The following SPARCL1 variants were observed in gnomAD, a reference collection of about 807,000 sequenced individuals.
SPARCL1 encodes the protein SPARC-like protein 1.
In SPARCL1, 52 loss-of-function variants were observed where a neutral mutation model predicts 67.1. That is an observed-to-expected ratio of 0.78 (90% CI 0.62 to 0.98). The LOEUF is 0.98. Among genes scored for constraint, SPARCL1 ranks in the 50% least tolerant of loss-of-function variants. The probability of loss-of-function intolerance (pLI) is 0.00; values close to 1 mark genes in which losing one functional copy is unlikely to be tolerated. For missense variants in SPARCL1, 717 were observed against 782.4 expected, an observed-to-expected ratio of 0.92 and a Z score of 1.00; for synonymous variants, 226 against 267.8, an observed-to-expected ratio of 0.84 and a Z score of 1.52.
rs955337903 is a variant in SPARCL1 at position 87,480,514 on chromosome 4, T to G, written c.1675A>C (p.Lys559Gln). Residue 559 changes from lysine (K) to glutamine (Q), a missense_variant, in exon 9 of 11, where the codon AAA (lysine) becomes CAA (glutamine). Physicochemically the swap from Lys to Gln is moderately conservative, Grantham distance 53 (BLOSUM62 1). Coordinates refer to ENST00000282470, the MANE Select transcript of SPARCL1 (RefSeq NM_004684.6). Reference protein sequence around the residue: ...LNEKQRNKVKKIYLDEKRLLA... With the variant: ...LNEKQRNKVKQIYLDEKRLLA... ...AGCCTCTTTTCATCCAGGTAAATTT[T>G]CTTGACCTGGGATTAGGAAGGCAGA... 4.4e-6 allele frequency: 7 copies of G among 1,607,638 alleles called. No individual in the cohort carries two copies. The highest frequency in any genetic ancestry group is 1.3e-5 in the African/African-American group (1 of 74,552).
At chr4:87,504,181 GTGGT>G (rs1724978595) in intron 1 of SPARCL1, among the ~76,000 whole-genome samples, 1 of 130,834 alleles carries the variant, frequency 7.6e-6, no homozygotes, top group Admixed American at 7.6e-5. Flanking sequence ...GTGTGTGTGT[GTGGT>G]GGGGTGGGGG....
rs1003579308 is a variant in SPARCL1 at position 87,478,728 on chromosome 4, G to A, written c.1966+702C>T. On this transcript the variant is annotated intron_variant, in intron 10 of 10. Coordinates refer to ENST00000282470, the MANE Select transcript of SPARCL1 (RefSeq NM_004684.6). ...GCTGGGATTACAGGCATGAGCCACC[G>A]TGCCCAGCCTTTCATATCTTAATTA... Among the ~76,000 whole-genome samples the A allele has an allele frequency of 1.4e-4, 22 of 152,186 alleles. No homozygotes were observed. In the East Asian group the frequency reaches 4.1e-3, roughly 28 times the overall value.
intron 1 of SPARCL1, among the ~76,000 whole-genome samples, chr4:87,500,359 A>G (rs1205815927): frequency 6.6e-6 from 1 of 152,178 alleles, no homozygotes; most frequent in Non-Finnish European, 1.5e-5. Flanking sequence ...GAAACGAGAC[A>G]AGTGAGGCTC....
At chr4:87,476,548 C>G (rs946783539) in intron 10 of SPARCL1, among the ~76,000 whole-genome samples, 1 of 152,128 alleles carries the variant, frequency 6.6e-6, no homozygotes, top group Non-Finnish European at 1.5e-5. Flanking sequence ...CCCCAGTACT[C>G]TTAGGATAAT....
chr4:87,509,351 TG>T (rs1725252599), intron 1 of SPARCL1, among the ~76,000 whole-genome samples: 6 of 152,190 alleles, frequency 3.9e-5, no homozygotes, highest in Non-Finnish European at 5.9e-5. Context: ...TTAAGTAACT[TG>T]TTCAGGGTTA....
At chr4:87,479,637 C>A in intron 9 of SPARCL1, 59 bp from the exon 10 acceptor site, 1 of 1,543,560 alleles carries the variant, frequency 6.5e-7, no homozygotes, top group Admixed American at 1.7e-5. Context: ...AGATTTAACT[C>A]TCAGGCTCAC....
At chr4:87,522,762 T>A (rs1331088330) in intron 1 of SPARCL1, among the ~76,000 whole-genome samples, 1 of 151,958 alleles carries the variant, frequency 6.6e-6, no homozygotes, top group East Asian at 1.9e-4. Context: ...GTCAGGATCC[T>A]TATATACTCT....
chr4:87,495,286 C>A, intron 2 of SPARCL1, 159 bp from the exon 3 acceptor site: 1 of 547,344 alleles, frequency 1.8e-6, no homozygotes. Context: ...TAAGCAGATG[C>A]CTAGAACAGA....
Position 87,495,117 on chromosome 4 carries a change from C to A in SPARCL1, c.65G>T (p.Arg22Ile). ...TGGTTTGGAATGATCAGATAATAAT[C>A]TTGCATTTGTCTGAAAAAATTAAAA... is the stretch of plus-strand genomic sequence containing the variant. ...GTAAAIPTNA[R>I]LLSDHSKPTA... Residue 22 changes from arginine to isoleucine, a missense_variant, in exon 3 of 11, where the codon AGA (arginine) becomes ATA (isoleucine). By Grantham distance (97) the Arg-to-Ile change is moderately conservative. Coordinates refer to ENST00000282470, the MANE Select transcript of SPARCL1 (RefSeq NM_004684.6). 1 of 1,599,938 alleles carries A rather than the reference C, an allele frequency of 6.3e-7. No individual in the cohort carries two copies. The highest frequency in any genetic ancestry group is 8.5e-7 in the Non-Finnish European group (1 of 1,177,174).
At chr4:87,513,582 C>T (rs1416740031) in intron 1 of SPARCL1, among the ~76,000 whole-genome samples, 1 of 152,066 alleles carries the variant, frequency 6.6e-6, no homozygotes, top group East Asian at 1.9e-4. Context: ...TCTGAAGTAC[C>T]TTACACATGC....
At chr4:87,509,862 A>G (rs1725273896) in intron 1 of SPARCL1, among the ~76,000 whole-genome samples, 2 of 152,180 alleles carry the variant, frequency 1.3e-5, no homozygotes, top group Non-Finnish European at 2.9e-5. Context: ...TGTATGTGTG[A>G]CAGCTGTGTG....
intron 1 of SPARCL1, among the ~76,000 whole-genome samples, chr4:87,505,739 T>TTG: frequency 1.3e-5 from 2 of 150,946 alleles, no homozygotes; most frequent in East Asian, 3.9e-4. Context: ...TTTTTTTTTT[T>TTG]GTAGAGATGG....
intron 1 of SPARCL1, 144 bp downstream of exon 1, chr4:87,528,901 C>A (rs1031254852): frequency 6.6e-6 from 1 of 152,150 alleles, no homozygotes; most frequent in Middle Eastern, 3.2e-3. Context: ...TATGAAGTAT[C>A]TTTTCTGTAA....
chr4:87,478,316 CT>C (rs1723662020), intron 10 of SPARCL1, among the ~76,000 whole-genome samples: 1 of 151,728 alleles, frequency 6.6e-6, no homozygotes, highest in South Asian at 2.1e-4. Context: ...ATATATATAC[CT>C]TGTGGAATGG....
At chr4:87,491,280 T>C (rs1343112495) in intron 5 of SPARCL1, among the ~76,000 whole-genome samples, 5 of 152,172 alleles carry the variant, frequency 3.3e-5, no homozygotes, top group Non-Finnish European at 5.9e-5. Flanking sequence ...TAAGGTCCTT[T>C]ATCAAGTATG....
rs188270760 is a variant in SPARCL1 at position 87,520,369 on chromosome 4, C to T, written c.-12+8676G>A. Among the ~76,000 whole-genome samples, 28 of 151,370 alleles carry T rather than the reference C, an allele frequency of 1.8e-4. No individual in the cohort carries two copies. In the East Asian group the frequency reaches 3.3e-3, roughly 18 times the overall value. ...AGTTCAATAAGAAAAGTCATCTTGCCGGAAAAAAAAGTGTGTGGGAGGGAG... is the reference window on the plus strand; with the variant it reads ...AGTTCAATAAGAAAAGTCATCTTGCTGGAAAAAAAAGTGTGTGGGAGGGAG... On this transcript the variant is annotated intron_variant, in intron 1 of 10. Transcript: ENST00000282470.
At chr4:87,485,049 C>CGCTT (rs2110217639) in intron 7 of SPARCL1, among the ~76,000 whole-genome samples, 1 of 151,882 alleles carries the variant, frequency 6.6e-6, no homozygotes, top group East Asian at 1.9e-4. Context: ...TATTTGAATA[C>CGCTT]GCTTTATTTC....
intron 4 of SPARCL1, 142 bp downstream of exon 4, chr4:87,493,440 C>A: frequency 1.5e-6 from 1 of 686,330 alleles, no homozygotes; most frequent in Non-Finnish European, 2.3e-6. Flanking sequence ...AGAGATAGAC[C>A]TAAAAAGAAA....
chr4:87,492,256 A>G (rs909576925), intron 4 of SPARCL1, among the ~76,000 whole-genome samples: 1 of 152,038 alleles, frequency 6.6e-6, no homozygotes, highest in African/African-American at 2.4e-5. Flanking sequence ...TGTCTCTACT[A>G]AAAATACAAA....
Sources: gnomAD v4.1 joint callset for allele counts (sites outside exome capture counted in the v4.1 genomes callset) on GRCh38, gnomAD v4.1.1 for gene constraint, MANE v1.5 for transcripts, NCBI Gene and HGNC (gene_info 2026-07-23, HGNC 2026-07-21) for gene names.